Variants in RANBP17 observed in about 807,000 individuals in gnomAD.
RANBP17 encodes the protein ran-binding protein 17.
A neutral mutation model predicts 141.2 loss-of-function variants in RANBP17; 158 were observed. The ratio of observed to expected loss-of-function variants is 1.12; its 90% CI spans 0.98 to 1.28. The LOEUF (loss-of-function observed/expected upper bound fraction) is 1.28, where lower values mean the gene tolerates loss of function less well. Ranked by LOEUF, RANBP17 falls within the 50% of genes most tolerant of loss-of-function variation. The probability of loss-of-function intolerance (pLI) is 0.00; values close to 1 mark genes in which losing one functional copy is unlikely to be tolerated. For synonymous variants in RANBP17, 430 were observed against 450.0 expected, an observed-to-expected ratio of 0.96 and a Z score of 0.56; for missense variants, 1,438 against 1,290.7, an observed-to-expected ratio of 1.11 and a Z score of -1.75.
intron 25 of RANBP17, among the ~76,000 whole-genome samples, chr5:171,284,182 G>T (rs1244433144): frequency 1.3e-5 from 2 of 152,080 alleles, no homozygotes; most frequent in Admixed American, 6.5e-5. Context: ...GCTGCTTAGG[G>T]TTCCATTCAT....
chr5:171,236,586 A>T (rs1168564800), intron 22 of RANBP17, among the ~76,000 whole-genome samples: 2 of 151,726 alleles, frequency 1.3e-5, no homozygotes, highest in Non-Finnish European at 2.9e-5. Flanking sequence ...ACTCAGCTTC[A>T]CCTCCTCCTC....
rs75580207 is a variant in RANBP17, at chr5:170,957,958, G to A, written c.1574+4256G>A. Reference sequence around the variant, plus strand: ...TCCTGTATTTTACCTAGGAGCAATGGTTCATTATTCACTAATTCAGTGTTC... The same window carrying A: ...TCCTGTATTTTACCTAGGAGCAATGATTCATTATTCACTAATTCAGTGTTC... On this transcript the variant is annotated intron_variant, in intron 13 of 27. Coordinates refer to ENST00000523189, the MANE Select transcript of RANBP17 (RefSeq NM_022897.5). 3.3e-5 allele frequency among the ~76,000 whole-genome samples: 5 copies of A among 152,280 alleles called. No homozygotes were observed. In the East Asian group the frequency reaches 7.7e-4, roughly 24 times the overall value.
intron 18 of RANBP17, among the ~76,000 whole-genome samples, chr5:171,195,674 C>T (rs1297855385): frequency 6.6e-6 from 1 of 152,210 alleles, no homozygotes; most frequent in Non-Finnish European, 1.5e-5. Flanking sequence ...TCTCTGATGC[C>T]TTCCACCTTA....
At chr5:171,115,965 T>C (rs1755598816) in intron 14 of RANBP17, among the ~76,000 whole-genome samples, 1 of 152,166 alleles carries the variant, frequency 6.6e-6, no homozygotes, top group South Asian at 2.1e-4. Flanking sequence ...TATGTGGAGT[T>C]TCTAGGGCCC....
At chr5:171,119,233 T>A (rs1239165198) in intron 14 of RANBP17, among the ~76,000 whole-genome samples, 1 of 152,214 alleles carries the variant, frequency 6.6e-6, no homozygotes, top group Non-Finnish European at 1.5e-5. Flanking sequence ...AAATCCCACT[T>A]GATTATGGTG....
intron 13 of RANBP17, among the ~76,000 whole-genome samples, chr5:170,960,368 C>A (rs1776042698): frequency 6.6e-6 from 1 of 152,176 alleles, no homozygotes; most frequent in African/African-American, 2.4e-5. Flanking sequence ...GGCTGTTTCA[C>A]TGGGATGTTG....
chr5:171,078,939 A>G (rs1406296768), intron 14 of RANBP17, among the ~76,000 whole-genome samples: 1 of 152,208 alleles, frequency 6.6e-6, no homozygotes, highest in Admixed American at 6.5e-5. Context: ...AGGTCTTATC[A>G]TTTGATAAAT....
chr5:171,283,338 C>T lies in RANBP17; in HGVS notation c.2944-10545C>T, dbSNP rs142495477. Among the ~76,000 whole-genome samples the T allele has an allele frequency of 1.5e-3, 230 of 152,280 alleles. 1 individual carries two copies. Among genetic ancestry groups the T allele is most frequent in the African/African-American group, 5.4e-3 (226 of 41,548 alleles). ...TCCCAGGGTTTGACACAGAGCCTTG[C>T]CCAAATTAGGTGGTCAGTAAATGTT... On this transcript the variant is annotated intron_variant, in intron 25 of 27. Transcript: ENST00000523189.
chr5:171,152,328 A>G (rs1017507562), intron 14 of RANBP17, among the ~76,000 whole-genome samples: 1 of 151,026 alleles, frequency 6.6e-6, no homozygotes, highest in Non-Finnish European at 1.5e-5. Context: ...GCTGAGGTAG[A>G]GAATCGCTTG....
intron 14 of RANBP17, among the ~76,000 whole-genome samples, chr5:171,141,987 A>G (rs1030344927): frequency 6.6e-6 from 1 of 152,178 alleles, no homozygotes; most frequent in East Asian, 1.9e-4. Context: ...GCATGCCTTC[A>G]AAGTAAAATC....
At chr5:171,089,308 C>A (rs995885042) in intron 14 of RANBP17, among the ~76,000 whole-genome samples, 4 of 108,762 alleles carry the variant, frequency 3.7e-5, no homozygotes, top group South Asian at 4.5e-4. Context: ...AGGAGGCAGT[C>A]TGCCCGTTCT....
chr5:171,117,521 A>G (rs1755721175), intron 14 of RANBP17, among the ~76,000 whole-genome samples: 2 of 151,918 alleles, frequency 1.3e-5, no homozygotes, highest in South Asian at 2.1e-4. Context: ...TTTTTGGAGG[A>G]TGGAGTCTTG....
intron 20 of RANBP17, chr5:171,206,544 T>A (rs1762590446): frequency 6.2e-6 from 1 of 160,670 alleles, no homozygotes; most frequent in South Asian, 2.0e-4. Context: ...GTGAAAAAAA[T>A]TATATAATCT....
At chr5:171,088,793 A>T (rs1785925947) in intron 14 of RANBP17, among the ~76,000 whole-genome samples, 1 of 151,824 alleles carries the variant, frequency 6.6e-6, no homozygotes, top group Non-Finnish European at 1.5e-5. Context: ...GTAGTTCTCG[A>T]GCCTTGGTTT....
chr5:171,150,056 T>G (rs1244146550), intron 14 of RANBP17, among the ~76,000 whole-genome samples: 2 of 152,206 alleles, frequency 1.3e-5, no homozygotes, highest in Non-Finnish European at 2.9e-5. Context: ...ACACCTGCTT[T>G]TCTTGTATTC....
At chr5:170,914,498 C>T (rs533775479) in intron 8 of RANBP17, among the ~76,000 whole-genome samples, 2 of 152,210 alleles carry the variant, frequency 1.3e-5, no homozygotes, top group Admixed American at 6.5e-5. Flanking sequence ...GACAACCTAC[C>T]AATCCCTAAA....
chr5:170,930,567 C>A (rs1224197864), intron 12 of RANBP17, among the ~76,000 whole-genome samples: 2 of 152,032 alleles, frequency 1.3e-5, no homozygotes, highest in East Asian at 1.9e-4. Context: ...CCGCTCCCCC[C>A]ACTCCCCGGC....
chr5:171,185,334 A>G (rs183631700), intron 18 of RANBP17, among the ~76,000 whole-genome samples: 1 of 152,310 alleles, frequency 6.6e-6, no homozygotes, highest in Admixed American at 6.5e-5. Context: ...GCAATTTCTT[A>G]AAAGAAGACG....
chr5:171,280,835 A>T (rs1341228166), intron 25 of RANBP17, among the ~76,000 whole-genome samples: 3 of 152,164 alleles, frequency 2.0e-5, no homozygotes, highest in Non-Finnish European at 4.4e-5. Context: ...CTGAAATTTC[A>T]TCCTCCTTTC....
Sources: gnomAD v4.1 joint callset for allele counts (sites outside exome capture counted in the v4.1 genomes callset) on GRCh38, gnomAD v4.1.1 for gene constraint, MANE v1.5 for transcripts, NCBI Gene and HGNC (gene_info 2026-07-23, HGNC 2026-07-21) for gene names.